The following NAALADL2 variants were observed in gnomAD, a reference collection of about 807,000 sequenced individuals.
The protein encoded by NAALADL2 is N-acetylated alpha-linked acidic dipeptidase like 2.
A neutral mutation model predicts 87.2 loss-of-function variants in NAALADL2; 76 were observed. That is an observed-to-expected ratio of 0.87 (90% CI 0.72 to 1.05). The LOEUF (loss-of-function observed/expected upper bound fraction) is 1.05, where lower values mean the gene tolerates loss of function less well. Among genes scored for constraint, NAALADL2 ranks in the 50% least tolerant of loss-of-function variants. The probability of loss-of-function intolerance (pLI) is 0.00; values close to 1 mark genes in which losing one functional copy is unlikely to be tolerated. For missense variants in NAALADL2, 1,089 were observed against 945.8 expected (o/e 1.15, Z -1.99); for synonymous variants, 354 against 331.0 (o/e 1.07, Z -0.75).
intron 1 of NAALADL2, among the ~76,000 whole-genome samples, chr3:174,932,801 T>C (rs564662349): frequency 6.6e-6 from 1 of 152,298 alleles, no homozygotes; most frequent in South Asian, 2.1e-4. Context: ...TGTAATATGT[T>C]ATTGAGAAAG....
At chr3:175,323,866 A>G (rs1000685304) in intron 4 of NAALADL2, among the ~76,000 whole-genome samples, 4 of 151,326 alleles carry the variant, frequency 2.6e-5, no homozygotes, top group Non-Finnish European at 5.9e-5. Flanking sequence ...AAATACAAAA[A>G]AATTAGCCGG....
At chr3:174,613,426 TA>T (rs765370790) in intron 2 of NAALADL2, among the ~76,000 whole-genome samples, 1 of 125,156 alleles carries the variant, frequency 8.0e-6, no homozygotes, top group South Asian at 3.0e-4. Flanking sequence ...GGGACTAGAG[TA>T]AAAAAACCTT....
chr3:175,261,563 A>C (rs1366009473), intron 4 of NAALADL2, among the ~76,000 whole-genome samples: 2 of 151,836 alleles, frequency 1.3e-5, no homozygotes, highest in East Asian at 3.9e-4. Context: ...AAATCCAAAA[A>C]CTCTATTGCT....
At chr3:174,839,053 AAAG>A (rs1338290484) in intron 3 of NAALADL2, among the ~76,000 whole-genome samples, 6 of 152,222 alleles carry the variant, frequency 3.9e-5, no homozygotes, top group Non-Finnish European at 5.9e-5. Flanking sequence ...GACTAAGCAA[AAAG>A]AAGAAATCTG....
chr3:175,525,714 A>G (rs1215940261), intron 9 of NAALADL2, among the ~76,000 whole-genome samples: 1 of 152,144 alleles, frequency 6.6e-6, no homozygotes, highest in African/African-American at 2.4e-5. Context: ...GGATTATTAT[A>G]TAAATGTTTT....
chr3:174,636,943 G>A (rs953949383), intron 2 of NAALADL2, among the ~76,000 whole-genome samples: 26 of 152,026 alleles, frequency 1.7e-4, no homozygotes, highest in African/African-American at 5.8e-4. Flanking sequence ...TAAATGAATG[G>A]ATAAACAAAA....
chr3:174,698,524 T>C (rs1007177046), intron 2 of NAALADL2, among the ~76,000 whole-genome samples: 1 of 152,144 alleles, frequency 6.6e-6, no homozygotes, highest in Non-Finnish European at 1.5e-5. Context: ...TTCTTTGTTT[T>C]TGAGATTCTC....
chr3:174,592,041 G>GT (rs1047069921), intron 2 of NAALADL2, among the ~76,000 whole-genome samples: 3 of 151,842 alleles, frequency 2.0e-5, no homozygotes, highest in African/African-American at 4.8e-5. Flanking sequence ...ACGTGTGTGA[G>GT]TTTTTTTTAA....
chr3:175,498,384 G>A (rs1729106723), intron 9 of NAALADL2, among the ~76,000 whole-genome samples: 1 of 152,124 alleles, frequency 6.6e-6, no homozygotes, highest in South Asian at 2.1e-4. Context: ...AAAATATGGA[G>A]CCTTAATCCC....
chr3:175,181,779 G>GTGTATATATGTA, intron 2 of NAALADL2, among the ~76,000 whole-genome samples: 1 of 140,230 alleles, frequency 7.1e-6, no homozygotes, highest in Admixed American at 7.3e-5. Flanking sequence ...GTGTATATAT[G>GTGTATATATGTA]TATATATATG....
At chr3:175,127,191 G>T (rs1272718152) in intron 2 of NAALADL2, among the ~76,000 whole-genome samples, 6 of 151,880 alleles carry the variant, frequency 4.0e-5, no homozygotes, top group Non-Finnish European at 7.4e-5. Flanking sequence ...TTCAGAAAAA[G>T]GTAAATACAA....
intron 1 of NAALADL2, among the ~76,000 whole-genome samples, chr3:174,543,041 G>A (rs1257444507): frequency 6.6e-6 from 1 of 152,142 alleles, no homozygotes; most frequent in African/African-American, 2.4e-5. Context: ...TGAACCATAG[G>A]GGTGGTACTT....
At chr3:174,840,602 C>G (rs546088138) in intron 3 of NAALADL2, among the ~76,000 whole-genome samples, 1 of 152,132 alleles carries the variant, frequency 6.6e-6, no homozygotes, top group African/African-American at 2.4e-5. Flanking sequence ...GTGAGCTCCT[C>G]ATTGCCCAAG....
chr3:174,896,750 G>T (rs962850250), intron 1 of NAALADL2, among the ~76,000 whole-genome samples: 2 of 152,178 alleles, frequency 1.3e-5, no homozygotes, highest in Admixed American at 6.5e-5. Flanking sequence ...GAAACTGGAC[G>T]AGTCACATTC....
intron 5 of NAALADL2, among the ~76,000 whole-genome samples, chr3:175,402,134 C>G (rs1268578106): frequency 1.3e-5 from 2 of 151,976 alleles, no homozygotes; most frequent in Non-Finnish European, 2.9e-5. Context: ...TACAATTAAT[C>G]TTTAATGACC....
At chr3:175,388,902 G>A (rs191749745) in intron 5 of NAALADL2, among the ~76,000 whole-genome samples, 4 of 152,000 alleles carry the variant, frequency 2.6e-5, no homozygotes, top group Non-Finnish European at 5.9e-5. Flanking sequence ...TTTTAATACT[G>A]TATTCTAAAT....
At chr3:175,015,397 G>T (rs1293405132) in intron 1 of NAALADL2, among the ~76,000 whole-genome samples, 2 of 152,102 alleles carry the variant, frequency 1.3e-5, no homozygotes, top group Admixed American at 6.6e-5. Context: ...AGCCTGTTCT[G>T]CCATTAGAGA....
chr3:175,479,155 T>C (rs1726112809), intron 9 of NAALADL2, among the ~76,000 whole-genome samples: 1 of 151,832 alleles, frequency 6.6e-6, no homozygotes, highest in Non-Finnish European at 1.5e-5. Context: ...GGATTCTTGG[T>C]TTTTGCCATT....
chr3:174,596,546 GA>G (rs79029012), intron 2 of NAALADL2, among the ~76,000 whole-genome samples: 9,829 of 152,168 alleles, frequency 0.065, 911 homozygotes, highest in Admixed American at 0.25. Flanking sequence ...CTTGGGTAGA[GA>G]ATGAAAATTT....
Sources: allele counts gnomAD v4.1 joint callset (sites outside exome capture counted in the v4.1 genomes callset), GRCh38; gene constraint gnomAD v4.1.1; transcripts MANE v1.5; gene names NCBI Gene and HGNC (gene_info 2026-07-23, HGNC 2026-07-21).